SOCS4: variants seen among roughly 807,000 people sequenced by gnomAD.
SOCS4 encodes the protein suppressor of cytokine signaling 4.
In SOCS4, 20 loss-of-function variants were observed where a neutral mutation model predicts 34.1. The ratio of observed to expected loss-of-function variants is 0.59; its 90% CI spans 0.41 to 0.85. The LOEUF (loss-of-function observed/expected upper bound fraction) is 0.85, where lower values mean the gene tolerates loss of function less well. Ranked by LOEUF, SOCS4 falls within the 40% of genes least tolerant of loss-of-function variation. SOCS4 has a pLI of 0.00. For missense variants in SOCS4, 479 were observed against 532.4 expected (o/e 0.90, Z 0.99); for synonymous variants, 180 against 186.4 (o/e 0.97, Z 0.28).
chr14:55,042,819 T>C, intron 2 of SOCS4, 133 bp from the exon 3 acceptor site: 1 of 458,040 alleles, frequency 2.2e-6, no homozygotes, highest in Non-Finnish European at 3.9e-6. Context: ...ACAAAGTGTC[T>C]TGGGACTCCC....
intron 2 of SOCS4, among the ~76,000 whole-genome samples, chr14:55,039,799 G>A (rs568163447): frequency 6.6e-6 from 1 of 152,368 alleles, no homozygotes; most frequent in East Asian, 1.9e-4. Context: ...TGGAGGCTGA[G>A]GCAGGAGAAT....
At chr14:55,036,462 G>GC (rs1184470745) in intron 2 of SOCS4, among the ~76,000 whole-genome samples, 7 of 151,652 alleles carry the variant, frequency 4.6e-5, no homozygotes, top group Non-Finnish European at 2.9e-5. Flanking sequence ...TCCTGCCTCA[G>GC]CCCCCCGAGT....
rs374948249 is a variant in SOCS4 at position 55,039,659 on chromosome 14, C to T, written c.-90-3293C>T. 1.4e-3 allele frequency among the ~76,000 whole-genome samples: 213 copies of T among 152,294 alleles called. 4 individuals carry two copies. The East Asian group carries it at 0.022, about 16-fold the overall frequency. ...CTGTAATCCCACCACTTTAGGAGGC[C>T]GAGGTGGGCGGACCACGAAGTCAGG... On this transcript the variant is annotated intron_variant, in intron 2 of 2. Transcript: ENST00000555846.
At chr14:55,027,985 A>G (rs746838104) in intron 1 of SOCS4, among the ~76,000 whole-genome samples, 2 of 152,202 alleles carry the variant, frequency 1.3e-5, no homozygotes, top group African/African-American at 2.4e-5. Flanking sequence ...CTTTTCTTGT[A>G]TCTTCATTCT....
Position 55,044,439 on chromosome 14 carries a change from T to C in SOCS4, c.*75T>C. 8.7e-7 allele frequency: 1 copy of C among 1,150,894 alleles called. No individual in the cohort carries two copies. The highest frequency in any genetic ancestry group is 1.1e-6 in the Non-Finnish European group (1 of 891,216). The allele number at this position is 1,150,894 out of a possible 1,614,324, so 71.3% of individuals were successfully genotyped here. The stretch of plus-strand genomic sequence containing the variant: ...TTTTATTTTTCTTTTTATGCCACTT[T>C]GGATTTTTCTACAAAGGCAGTGGTG... On this transcript the variant is annotated 3_prime_UTR_variant, in exon 3 of 3. Transcript: ENST00000555846.
intron 2 of SOCS4, among the ~76,000 whole-genome samples, chr14:55,040,217 C>T (rs994527136): frequency 5.9e-5 from 9 of 152,168 alleles, no homozygotes; most frequent in Non-Finnish European, 5.9e-5. Flanking sequence ...AAATACTTTT[C>T]CTTAAAGATC....
intron 2 of SOCS4, 34 bp from the exon 3 acceptor site, chr14:55,042,918 C>G: frequency 1.2e-6 from 1 of 834,656 alleles, no homozygotes; most frequent in Non-Finnish European, 1.8e-6. Flanking sequence ...AGGTAGATGA[C>G]AAATGGTTAA....
chr14:55,033,413 A>AT (rs1373398419), intron 2 of SOCS4, among the ~76,000 whole-genome samples: 3 of 152,134 alleles, frequency 2.0e-5, no homozygotes, highest in East Asian at 1.9e-4. Context: ...GACTTCTCTC[A>AT]TTTTTTTGTA....
chr14:55,039,301 G>A (rs2042597687), intron 2 of SOCS4, among the ~76,000 whole-genome samples: 1 of 152,108 alleles, frequency 6.6e-6, no homozygotes, highest in African/African-American at 2.4e-5. Flanking sequence ...AGTCTGGCAT[G>A]GTGGCACGTG....
intron 1 of SOCS4, among the ~76,000 whole-genome samples, chr14:55,028,602 T>C (rs1019356347): frequency 7.2e-5 from 11 of 152,138 alleles, no homozygotes; most frequent in African/African-American, 2.7e-4. Context: ...ATAAGAAGAA[T>C]CTGCAAATTG....
chr14:55,042,932 C>T lies in SOCS4; in HGVS notation c.-90-20C>T. 1.0e-6 allele frequency: 1 copy of T among 989,892 alleles called. No individual in the cohort carries two copies. The highest frequency in any genetic ancestry group is 1.6e-5 in the African/African-American group (1 of 60,958). 61.3% of individuals were successfully genotyped at this position (989,892 alleles called of 1,614,324 possible). A position where few individuals can be genotyped will look rare whatever the true frequency, so the allele number is the denominator to read the frequency against. The stretch of plus-strand genomic sequence containing the variant: ...AAGGTAGATGACAAATGGTTAATGA[C>T]TTTTTTTTGTTTTCTTTAGATACAT... On this transcript the variant is annotated intron_variant, in intron 2 of 2. Transcript: ENST00000555846.
chr14:55,030,865 A>G (rs183729225), intron 1 of SOCS4, among the ~76,000 whole-genome samples: 1 of 152,288 alleles, frequency 6.6e-6, no homozygotes, highest in Admixed American at 6.5e-5. Context: ...TGGTATAGTG[A>G]AAAACAGTGT....
At chr14:55,028,334 T>A (rs1040054887) in intron 1 of SOCS4, among the ~76,000 whole-genome samples, 1 of 152,298 alleles carries the variant, frequency 6.6e-6, no homozygotes, top group Middle Eastern at 3.4e-3. Flanking sequence ...TAAAAACAAC[T>A]TGGGATTTGT....
intron 2 of SOCS4, among the ~76,000 whole-genome samples, chr14:55,033,185 A>G (rs1456562251): frequency 1.3e-5 from 2 of 152,204 alleles, no homozygotes; most frequent in Non-Finnish European, 2.9e-5. Flanking sequence ...CAGATTTTAC[A>G]TGTATGGACA....
In SOCS4 at chr14:55,043,068, T is replaced by C. The variant is rs2042633775; in HGVS notation, c.27T>C (p.Ser9=). 1 of 1,606,466 alleles carries C rather than the reference T, an allele frequency of 6.2e-7. No individual in the cohort carries two copies. MAENNENI[S]KNVDVRPKTS... ...TGGCAGAAAATAATGAAAATATTAG[T>C]AAAAATGTAGATGTAAGGCCCAAAA... is the stretch of plus-strand genomic sequence containing the variant. Residue 9 remains serine (S), a synonymous_variant, in exon 3 of 3, where the codon AGT becomes AGC. Transcript: ENST00000555846.
In SOCS4 at chr14:55,027,264, C is replaced by G. The variant is rs2042467970; in HGVS notation, c.-427C>G. 5.2e-6 allele frequency: 1 copy of G among 193,452 alleles called. No homozygotes were observed. 12.0% of individuals were successfully genotyped at this position (193,452 alleles called of 1,614,324 possible). A position where few individuals can be genotyped will look rare whatever the true frequency, so the allele number is the denominator to read the frequency against. ...GAAGTGGTGGCGGCGCCCAGGGAAC[C>G]GGCGGAGGCGATGACCGTGACGGCT... On this transcript the variant is annotated 5_prime_UTR_variant, in exon 1 of 3. Coordinates refer to ENST00000555846, the MANE Select transcript of SOCS4 (RefSeq NM_199421.2).
Position 55,027,348 on chromosome 14 carries a change from A to G in SOCS4, c.-343A>G. ...GGTGGCAGAAAAGCATCTGCTTTGT[A>G]AGACCTACACGAGGTGCAGGAGTGG... On this transcript the variant is annotated 5_prime_UTR_variant, in exon 1 of 3. An upstream open reading frame in the 5' UTR loses its in-frame stop. Transcript: ENST00000555846. 1 of 170,384 alleles carries G rather than the reference A, an allele frequency of 5.9e-6. No homozygotes were observed. The highest frequency in any genetic ancestry group is 1.3e-5 in the Non-Finnish European group (1 of 78,198). 10.6% of individuals were successfully genotyped at this position (170,384 alleles called of 1,614,324 possible). A position where few individuals can be genotyped will look rare whatever the true frequency, so the allele number is the denominator to read the frequency against.
chr14:55,034,053 G>A (rs1157768934), intron 2 of SOCS4, among the ~76,000 whole-genome samples: 4 of 152,216 alleles, frequency 2.6e-5, no homozygotes, highest in Non-Finnish European at 4.4e-5. Context: ...AGAATCACTT[G>A]AACCTGGGAG....
intron 1 of SOCS4, among the ~76,000 whole-genome samples, chr14:55,029,537 AATGATGGTATTACCTATATAAAATC>A (rs1336590797): frequency 6.6e-6 from 1 of 152,210 alleles, no homozygotes; most frequent in Admixed American, 6.5e-5. Flanking sequence ...CCATTCTACC[AATGATGGTATTACCTATATAAAATC>A]ATGTGATCTT....
Sources: gnomAD v4.1 joint callset for allele counts (sites outside exome capture counted in the v4.1 genomes callset) on GRCh38, gnomAD v4.1.1 for gene constraint, MANE v1.5 for transcripts, NCBI Gene and HGNC (gene_info 2026-07-23, HGNC 2026-07-21) for gene names.